MACROD2: variants seen among roughly 807,000 people sequenced by gnomAD.
MACROD2 encodes ADP-ribose glycohydrolase MACROD2.
A neutral mutation model predicts 70.4 loss-of-function variants in MACROD2; 36 were observed. The ratio of observed to expected loss-of-function variants is 0.51; its 90% confidence interval spans 0.39 to 0.68. MACROD2 has a LOEUF of 0.68. Among genes scored for constraint, MACROD2 ranks in the 30% least tolerant of loss-of-function variants. The pLI is 0.00. For missense variants in MACROD2, 496 were observed against 538.4 expected, an observed-to-expected ratio of 0.92 and a Z score of 0.78; for synonymous variants, 172 against 178.8, an observed-to-expected ratio of 0.96 and a Z score of 0.30.
intron 3 of MACROD2, among the ~76,000 whole-genome samples, chr20:14,270,162 TATTA>T (rs573338963): frequency 1.2e-3 from 190 of 152,248 alleles, no homozygotes; most frequent in African/African-American, 4.5e-3. Context: ...TGTGTATATA[TATTA>T]ATTTCTCTCA....
intron 8 of MACROD2, among the ~76,000 whole-genome samples, chr20:15,781,180 CAGAG>C (rs1213346961): frequency 6.6e-6 from 1 of 152,130 alleles, no homozygotes; most frequent in Non-Finnish European, 1.5e-5. Flanking sequence ...TGTGGAGACA[CAGAG>C]AGCATACATA....
At chr20:14,925,149 G>GT (rs918423814) in intron 5 of MACROD2, among the ~76,000 whole-genome samples, 14 of 151,500 alleles carry the variant, frequency 9.2e-5, no homozygotes, top group Middle Eastern at 6.8e-3. Flanking sequence ...GTTTTGTTTT[G>GT]TTTTTTTACC....
chr20:14,017,803 A>G (rs913119699), intron 2 of MACROD2, among the ~76,000 whole-genome samples: 11 of 152,100 alleles, frequency 7.2e-5, no homozygotes, highest in Non-Finnish European at 2.9e-5. Flanking sequence ...AATGCTGGCT[A>G]TAAGGATGAA....
chr20:15,394,064 A>T (rs1300912531), intron 6 of MACROD2, among the ~76,000 whole-genome samples: 2 of 152,226 alleles, frequency 1.3e-5, no homozygotes, highest in African/African-American at 2.4e-5. Context: ...CCAGAGGCTT[A>T]TCGTTGGAAG....
chr20:14,522,459 G>GA (rs2085179555), intron 4 of MACROD2, among the ~76,000 whole-genome samples: 1 of 152,206 alleles, frequency 6.6e-6, no homozygotes, highest in Non-Finnish European at 1.5e-5. Context: ...CTCCGGGTTT[G>GA]AGAGGCCTGT....
At chr20:14,185,234 A>C (rs2081335450) in intron 3 of MACROD2, among the ~76,000 whole-genome samples, 1 of 152,124 alleles carries the variant, frequency 6.6e-6, no homozygotes, top group African/African-American at 2.4e-5. Flanking sequence ...AAAACCATCA[A>C]TTAAAGTAGC....
At chr20:14,602,553 T>G (rs1982565847) in intron 4 of MACROD2, among the ~76,000 whole-genome samples, 1 of 152,188 alleles carries the variant, frequency 6.6e-6, no homozygotes, top group South Asian at 2.1e-4. Flanking sequence ...GAAAGTTAGG[T>G]GAATTAAATT....
At chr20:14,049,440 A>G (rs2148647205) in intron 2 of MACROD2, among the ~76,000 whole-genome samples, 1 of 152,058 alleles carries the variant, frequency 6.6e-6, no homozygotes, top group Non-Finnish European at 1.5e-5. Flanking sequence ...CAGAGTAATT[A>G]ATTAAAAAAC....
chr20:14,938,535 T>A (rs916518073), intron 5 of MACROD2, among the ~76,000 whole-genome samples: 2 of 152,030 alleles, frequency 1.3e-5, no homozygotes, highest in African/African-American at 4.8e-5. Flanking sequence ...AATTCCAGCA[T>A]TTTGGGAGGC....
intron 5 of MACROD2, among the ~76,000 whole-genome samples, chr20:15,220,932 G>A (rs2076854952): frequency 6.6e-6 from 1 of 152,160 alleles, no homozygotes; most frequent in Admixed American, 6.5e-5. Context: ...GTGGATGATT[G>A]CAGAAGAGTC....
intron 11 of MACROD2, among the ~76,000 whole-genome samples, chr20:15,937,034 T>C (rs1296594993): frequency 6.6e-6 from 1 of 152,172 alleles, no homozygotes; most frequent in African/African-American, 2.4e-5. Flanking sequence ...TCCCTGCAGT[T>C]TGACAGCCTG....
intron 5 of MACROD2, among the ~76,000 whole-genome samples, chr20:14,692,035 GATCCTCATGAT>G (rs757269321): frequency 1.3e-5 from 2 of 152,086 alleles, no homozygotes; most frequent in African/African-American, 2.4e-5. Flanking sequence ...TCTCCTTAGT[GATCCTCATGAT>G]GAATGTGGAA....
intron 8 of MACROD2, among the ~76,000 whole-genome samples, chr20:15,645,716 T>G (rs78694214): frequency 0.019 from 2,840 of 152,282 alleles, 98 homozygotes; most frequent in African/African-American, 0.065. Context: ...TTACTTATAG[T>G]AAGTAAGCTG....
At chr20:14,227,509 C>T (rs1341700184) in intron 3 of MACROD2, among the ~76,000 whole-genome samples, 6 of 152,086 alleles carry the variant, frequency 3.9e-5, no homozygotes, top group Non-Finnish European at 8.8e-5. Context: ...TAACACTCGC[C>T]GCCAAGGTCT....
chr20:14,397,098 C>T (rs970776137), intron 3 of MACROD2, among the ~76,000 whole-genome samples: 6 of 150,028 alleles, frequency 4.0e-5, no homozygotes, highest in Non-Finnish European at 7.4e-5. Context: ...GGGTTCACAC[C>T]ATTCTCCTGC....
intron 10 of MACROD2, chr20:15,893,593 C>G: frequency 2.5e-6 from 1 of 404,206 alleles, no homozygotes; most frequent in South Asian, 1.9e-5. Flanking sequence ...TTCAAATTTT[C>G]TTTTGAAATG....
At chr20:14,212,368 A>C (rs1007485522) in intron 3 of MACROD2, among the ~76,000 whole-genome samples, 1 of 152,160 alleles carries the variant, frequency 6.6e-6, no homozygotes, top group South Asian at 2.1e-4. Flanking sequence ...GTTACTTAAG[A>C]GGAAAAAAGC....
intron 2 of MACROD2, among the ~76,000 whole-genome samples, chr20:14,017,313 T>A (rs2053007410): frequency 6.6e-6 from 1 of 152,132 alleles, no homozygotes; most frequent in South Asian, 2.1e-4. Context: ...TGTCTTTTAT[T>A]TCTTTTTCTT....
At chr20:14,342,692 A>G (rs542159054) in intron 3 of MACROD2, among the ~76,000 whole-genome samples, 8 of 152,314 alleles carry the variant, frequency 5.3e-5, no homozygotes, top group African/African-American at 1.7e-4. Flanking sequence ...TGAAAATGCT[A>G]CGTTAAACTG....
Sources: allele counts gnomAD v4.1 joint callset (sites outside exome capture counted in the v4.1 genomes callset), GRCh38; gene constraint gnomAD v4.1.1; transcripts MANE v1.5; gene names NCBI Gene and HGNC (gene_info 2026-07-23, HGNC 2026-07-21).